Variants in CEP128 observed in about 807,000 individuals in gnomAD.
CEP128 encodes centrosomal protein 128kDa.
CEP128 carries 132 observed loss-of-function variants against 156.7 expected under a neutral mutation model. That is an observed-to-expected ratio of 0.84 (90% CI 0.73 to 0.97). CEP128 has a LOEUF of 0.97. Among genes scored for constraint, CEP128 ranks in the 50% least tolerant of loss-of-function variants. The pLI is 0.00. For synonymous variants in CEP128, 469 were observed against 448.9 expected, an observed-to-expected ratio of 1.04 and a Z score of -0.57; for missense variants, 1,252 against 1,281.9, an observed-to-expected ratio of 0.98 and a Z score of 0.36.
At chr14:80,857,133 G>C (rs992865141) in intron 9 of CEP128, among the ~76,000 whole-genome samples, 53 of 151,098 alleles carry the variant, frequency 3.5e-4, no homozygotes, top group African/African-American at 1.2e-3. Context: ...TGAGTCAGGA[G>C]TTTCCAGGAT....
chr14:80,945,355 G>T (rs1235980314), upstream of CEP128, among the ~76,000 whole-genome samples: 1 of 152,104 alleles, frequency 6.6e-6, no homozygotes, highest in African/African-American at 2.4e-5. Flanking sequence ...TAACATGGGG[G>T]GTTAAGATTT....
intron 19 of CEP128, among the ~76,000 whole-genome samples, chr14:80,662,364 T>A (rs981554045): frequency 2.0e-5 from 3 of 152,158 alleles, no homozygotes; most frequent in African/African-American, 7.2e-5. Flanking sequence ...AACATTGCAG[T>A]CTCTAGAGAC....
Position 80,518,986 on chromosome 14 carries a change from A to G in CEP128, c.3072+7883T>C, listed in dbSNP as rs938163003. Among the ~76,000 whole-genome samples the G allele has an allele frequency of 4.6e-5, 7 of 152,240 alleles. 1 individual carries two copies. In the East Asian group the frequency reaches 1.2e-3, roughly 25 times the overall value. On this transcript the variant is annotated intron_variant, in intron 23 of 24. Coordinates refer to ENST00000555265, the MANE Select transcript of CEP128 (RefSeq NM_152446.5). ...ATTTGTGGAACTTCTATAAAAGTAAATTTTATAAGGTGACCATAAAATGAA... is the reference window on the plus strand; with the variant it reads ...ATTTGTGGAACTTCTATAAAAGTAAGTTTTATAAGGTGACCATAAAATGAA...
At chr14:80,547,956 G>A (rs1423636890) in intron 21 of CEP128, among the ~76,000 whole-genome samples, 1 of 152,080 alleles carries the variant, frequency 6.6e-6, no homozygotes. Flanking sequence ...GCGCCACCAC[G>A]CCCAGCTAAT....
intron 7 of CEP128, among the ~76,000 whole-genome samples, chr14:80,896,857 A>C (rs1889371379): frequency 6.6e-6 from 1 of 152,052 alleles, no homozygotes; most frequent in Non-Finnish European, 1.5e-5. Flanking sequence ...TTCCTGCTCT[A>C]ATTTAGAGTG....
intron 20 of CEP128, among the ~76,000 whole-genome samples, chr14:80,576,139 C>T (rs1199221488): frequency 6.6e-6 from 1 of 152,034 alleles, no homozygotes; most frequent in African/African-American, 2.4e-5. Context: ...AAAATAAAAA[C>T]ACTAAACAGC....
chr14:80,681,882 T>C (rs529592357), intron 19 of CEP128, among the ~76,000 whole-genome samples: 1 of 152,248 alleles, frequency 6.6e-6, no homozygotes, highest in South Asian at 2.1e-4. Context: ...GGTGGAAGGA[T>C]TGCTTGAGGG....
chr14:80,498,600 G>T (rs1463194048), intron 24 of CEP128, among the ~76,000 whole-genome samples: 1 of 152,134 alleles, frequency 6.6e-6, no homozygotes, highest in African/African-American at 2.4e-5. Flanking sequence ...CAACTCAGCT[G>T]CTGCTTCTTG....
intron 4 of CEP128, among the ~76,000 whole-genome samples, chr14:80,913,907 C>T (rs888315103): frequency 6.6e-6 from 1 of 152,162 alleles, no homozygotes; most frequent in Non-Finnish European, 1.5e-5. Context: ...CCACTTGTTC[C>T]ACTACAGCAA....
rs540593415 is a variant in CEP128 at position 80,563,524 on chromosome 14, C to CTTTTTTTTTTTTTTTTTTTTTT, written c.2857-4244_2857-4223dup. 1.0e-4 allele frequency among the ~76,000 whole-genome samples: 8 copies of CTTTTTTTTTTTTTTTTTTTTTT among 78,876 alleles called. 1 individual carries two copies. The highest frequency in any genetic ancestry group is 3.5e-4 in the African/African-American group (6 of 16,976). The allele number at this position is 78,876 out of a possible 152,430, so 51.7% of individuals were successfully genotyped here. On this transcript the variant is annotated intron_variant, in intron 20 of 24. Transcript: ENST00000555265. ...GAAGCCTACCCATGGGCCTCCAAAT[C>CTTTTTTTTTTTTTTTTTTTTTT]TTTTTTTTTTTTTTTTTTTTTTTTT...
intron 20 of CEP128, among the ~76,000 whole-genome samples, chr14:80,561,268 T>C (rs8006271): frequency 0.024 from 3,657 of 152,332 alleles, 154 homozygotes; most frequent in African/African-American, 0.083. Context: ...AATTGCATTT[T>C]GTTGGCATAG....
At chr14:80,814,361 T>C (rs1285019870) in intron 13 of CEP128, among the ~76,000 whole-genome samples, 4 of 152,156 alleles carry the variant, frequency 2.6e-5, no homozygotes, top group Non-Finnish European at 5.9e-5. Context: ...TTTTGTCCCC[T>C]TATTATTCAG....
At chr14:80,793,877 A>G (rs1901848653) in intron 13 of CEP128, among the ~76,000 whole-genome samples, 1 of 152,218 alleles carries the variant, frequency 6.6e-6, no homozygotes, top group Admixed American at 6.5e-5. Flanking sequence ...TTAAGTTTAA[A>G]CATGAGAAGA....
chr14:80,853,050 C>A (rs1466026935), intron 9 of CEP128, among the ~76,000 whole-genome samples: 1 of 151,568 alleles, frequency 6.6e-6, no homozygotes, highest in African/African-American at 2.4e-5. Context: ...AAGTGCACAG[C>A]AAGAATATCT....
At chr14:80,702,886 C>T (rs1897120707) in intron 19 of CEP128, among the ~76,000 whole-genome samples, 1 of 151,960 alleles carries the variant, frequency 6.6e-6, no homozygotes, top group Non-Finnish European at 1.5e-5. Flanking sequence ...ATATATAAAG[C>T]AAAACACTAA....
chr14:80,540,230 T>C (rs1200612345), intron 21 of CEP128, among the ~76,000 whole-genome samples: 1 of 139,204 alleles, frequency 7.2e-6, no homozygotes, highest in Admixed American at 7.8e-5. Flanking sequence ...TAATAAAAAC[T>C]TGCTGGTCTG....
chr14:80,655,404 A>C (rs748829532), intron 19 of CEP128, among the ~76,000 whole-genome samples: 3 of 152,184 alleles, frequency 2.0e-5, no homozygotes, highest in Non-Finnish European at 4.4e-5. Context: ...ATGAATTCAT[A>C]ATCTGGTTAC....
intron 13 of CEP128, among the ~76,000 whole-genome samples, chr14:80,801,368 T>G (rs1362707216): frequency 2.2e-5 from 3 of 136,414 alleles, no homozygotes; most frequent in Non-Finnish European, 4.8e-5. Context: ...ATATTGGCTG[T>G]GGGTTTGTCA....
chr14:80,871,540 AC>A (rs1358061575), intron 8 of CEP128, among the ~76,000 whole-genome samples: 1 of 152,154 alleles, frequency 6.6e-6, no homozygotes, highest in African/African-American at 2.4e-5. Context: ...GTAAGTAAAA[AC>A]AACCCTAAAT....
Sources: gnomAD v4.1 joint callset for allele counts (sites outside exome capture counted in the v4.1 genomes callset) on GRCh38, gnomAD v4.1.1 for gene constraint, MANE v1.5 for transcripts, NCBI Gene and HGNC (gene_info 2026-07-23, HGNC 2026-07-21) for gene names.